The following SLC71A1 variants were observed in gnomAD, a reference collection of about 807,000 sequenced individuals.
The protein encoded by SLC71A1 is hippocampus abundant gene transcript 1.
the SLC71A1 span, among the ~76,000 whole-genome samples, chr1:100,064,037 C>T: frequency 4.6e-5 from 7 of 152,304 alleles, no homozygotes; most frequent in East Asian, 1.4e-3. Context: ...AGATCTGGGT[C>T]CCTCTGAAAC....
chr1:100,077,397 A>G, the SLC71A1 span: 2 of 614,498 alleles, frequency 3.3e-6, no homozygotes, highest in Non-Finnish European at 5.7e-6. Flanking sequence ...TTTATCTTTC[A>G]AAATGTGTCT....
the SLC71A1 span, among the ~76,000 whole-genome samples, chr1:100,065,484 CCCCCTCCCCT>C: frequency 6.4e-5 from 9 of 140,894 alleles, no homozygotes; most frequent in South Asian, 2.3e-3. Flanking sequence ...CCCTTCTCTT[CCCCCTCCCCT>C]CCCCTCCCCT....
the SLC71A1 span, among the ~76,000 whole-genome samples, chr1:100,039,829 C>A: frequency 6.6e-6 from 1 of 152,150 alleles, no homozygotes. Flanking sequence ...AACACAGCTT[C>A]CTTTTCCTTG....
chr1:100,056,873 C>G, the SLC71A1 span, among the ~76,000 whole-genome samples: 2 of 152,120 alleles, frequency 1.3e-5, no homozygotes, highest in African/African-American at 4.8e-5. Context: ...CTGTTTTTAA[C>G]TGGGGTGAGA....
the SLC71A1 span, among the ~76,000 whole-genome samples, chr1:100,061,408 T>C: frequency 1.3e-5 from 2 of 152,230 alleles, no homozygotes; most frequent in Non-Finnish European, 2.9e-5. Context: ...AGTTACTATA[T>C]AGAGGCTCAA....
the SLC71A1 span, among the ~76,000 whole-genome samples, chr1:100,051,174 C>T: frequency 2.6e-5 from 4 of 151,662 alleles, no homozygotes; most frequent in Non-Finnish European, 4.4e-5. Context: ...GGGTGGATCA[C>T]GAGGTCAAGA....
chr1:100,081,517 C>T, the SLC71A1 span, among the ~76,000 whole-genome samples: 2 of 152,078 alleles, frequency 1.3e-5, no homozygotes, highest in Non-Finnish European at 2.9e-5. Flanking sequence ...GGATTACAGG[C>T]ATATGCCACC....
chr1:100,074,518 G>A, the SLC71A1 span, among the ~76,000 whole-genome samples: 2 of 151,972 alleles, frequency 1.3e-5, no homozygotes, highest in African/African-American at 4.8e-5. Context: ...GGTGGAGGTT[G>A]CAGTGAGCCA....
At chr1:100,078,441 C>G in the SLC71A1 span, 1 of 1,579,090 alleles carries the variant, frequency 6.3e-7, no homozygotes, top group Non-Finnish European at 8.7e-7. Context: ...TTTTGCTGCT[C>G]TCCTTATAGG....
chr1:100,077,161 T>C, the SLC71A1 span: 46 of 1,252,916 alleles, frequency 3.7e-5, no homozygotes, highest in East Asian at 6.1e-4. Context: ...TTTTTTTTTT[T>C]CAGACCATAG....
At chr1:100,048,923 A>G in the SLC71A1 span, among the ~76,000 whole-genome samples, 1 of 152,222 alleles carries the variant, frequency 6.6e-6, no homozygotes, top group Non-Finnish European at 1.5e-5. Context: ...TTTAACTGCT[A>G]GACAACCAAG....
At chr1:100,054,605 C>T in the SLC71A1 span, among the ~76,000 whole-genome samples, 2 of 152,122 alleles carry the variant, frequency 1.3e-5, no homozygotes, top group Admixed American at 1.3e-4. Context: ...TTACGGAACA[C>T]TCAAAATCCA....
the SLC71A1 span, chr1:100,082,210 C>T: frequency 6.8e-6 from 11 of 1,612,506 alleles, no homozygotes; most frequent in South Asian, 4.4e-5. Context: ...AAATGTGTGA[C>T]GACTGAAATC....
chr1:100,079,159 G>A, the SLC71A1 span: 2 of 152,108 alleles, frequency 1.3e-5, no homozygotes, highest in African/African-American at 4.8e-5. Context: ...CACCTTGTGG[G>A]ATATATTCAT....
chr1:100,080,325 T>C, the SLC71A1 span: 4 of 577,588 alleles, frequency 6.9e-6, no homozygotes, highest in South Asian at 6.9e-5. Flanking sequence ...CTACACTTTG[T>C]AGAGCTGATA....
chr1:100,042,575 TAAG>T, the SLC71A1 span, among the ~76,000 whole-genome samples: 1 of 152,016 alleles, frequency 6.6e-6, no homozygotes, highest in South Asian at 2.1e-4. Context: ...ATGCAAGCAA[TAAG>T]AAGGGCCTGT....
At chr1:100,050,144 T>G in the SLC71A1 span, 1 of 528,736 alleles carries the variant, frequency 1.9e-6, no homozygotes, top group Non-Finnish European at 3.3e-6. Flanking sequence ...TTTTACTGGT[T>G]GTCTTTTCCA....
At chr1:100,064,747 A>G in the SLC71A1 span, among the ~76,000 whole-genome samples, 5 of 149,106 alleles carry the variant, frequency 3.4e-5, no homozygotes, top group South Asian at 8.5e-4. Context: ...TTTTTGAGAC[A>G]GGGTCCTGCT....
At chr1:100,049,793 C>G in the SLC71A1 span, 1 of 606,698 alleles carries the variant, frequency 1.6e-6, no homozygotes, top group Non-Finnish European at 2.9e-6. Context: ...TGACACAGTG[C>G]CCAGTACATA....
Sources: gnomAD v4.1 joint callset for allele counts (sites outside exome capture counted in the v4.1 genomes callset) on GRCh38, gnomAD v4.1.1 for gene constraint, MANE v1.5 for transcripts, NCBI Gene and HGNC (gene_info 2026-07-23, HGNC 2026-07-21) for gene names.